RALYL: variants seen among roughly 807,000 people sequenced by gnomAD.
RALYL encodes RALY RNA binding protein like.
In RALYL, 29 loss-of-function variants were observed where a neutral mutation model predicts 35.1. The ratio of observed to expected loss-of-function variants is 0.83; its 90% CI spans 0.61 to 1.13. The LOEUF (loss-of-function observed/expected upper bound fraction) is 1.13. Ranked by LOEUF, RALYL falls within the 50% of genes most tolerant of loss-of-function variation. The pLI, the probability that RALYL is intolerant of heterozygous loss-of-function variation, is 0.00. For synonymous variants in RALYL, 120 were observed against 127.6 expected (o/e 0.94, Z 0.40); for missense variants, 359 against 360.4 (o/e 1.00, Z 0.03).
intron 2 of RALYL, among the ~76,000 whole-genome samples, chr8:84,536,449 T>C (rs1339145715): frequency 2.0e-5 from 3 of 152,236 alleles, no homozygotes; most frequent in Non-Finnish European, 4.4e-5. Flanking sequence ...TTGGTAAGTA[T>C]TATTCTTCTG....
intron 1 of RALYL, among the ~76,000 whole-genome samples, chr8:84,217,301 A>T (rs993273264): frequency 1.6e-4 from 25 of 152,106 alleles, no homozygotes; most frequent in African/African-American, 6.0e-4. Context: ...ATGTTTTATT[A>T]GTCAAAAAGA....
chr8:84,682,190 C>A (rs1192827216), intron 2 of RALYL, among the ~76,000 whole-genome samples: 1 of 152,030 alleles, frequency 6.6e-6, no homozygotes, highest in Non-Finnish European at 1.5e-5. Flanking sequence ...GGGATGAAGC[C>A]CACTTGATCA....
chr8:84,486,069 C>T (rs2054582927), intron 1 of RALYL, among the ~76,000 whole-genome samples: 1 of 144,398 alleles, frequency 6.9e-6, no homozygotes, highest in Non-Finnish European at 1.5e-5. Context: ...CTACAAGGCT[C>T]CACATGGTAT....
chr8:84,753,544 G>C (rs1472530839), intron 2 of RALYL, among the ~76,000 whole-genome samples: 1 of 152,170 alleles, frequency 6.6e-6, no homozygotes, highest in Non-Finnish European at 1.5e-5. Flanking sequence ...CCCAGTGTTA[G>C]AGATGGGGCC....
intron 2 of RALYL, among the ~76,000 whole-genome samples, chr8:84,700,553 T>C (rs2132301953): frequency 6.6e-6 from 1 of 152,288 alleles, no homozygotes; most frequent in Admixed American, 6.5e-5. Context: ...CTGGAAATCG[T>C]TATTTTTCCC....
At chr8:84,397,622 G>A (rs1199858099) in intron 1 of RALYL, among the ~76,000 whole-genome samples, 1 of 152,160 alleles carries the variant, frequency 6.6e-6, no homozygotes, top group African/African-American at 2.4e-5. Context: ...ATTTTTCATA[G>A]CTTCCTTTTA....
chr8:84,377,451 G>GTTTT (rs369746268), intron 1 of RALYL, among the ~76,000 whole-genome samples: 49 of 83,724 alleles, frequency 5.9e-4, no homozygotes, highest in East Asian at 1.1e-3. Context: ...AAGGTTAACT[G>GTTTT]TTTTTTTTTT....
chr8:84,658,299 T>C (rs1246092557), intron 2 of RALYL, among the ~76,000 whole-genome samples: 1 of 152,184 alleles, frequency 6.6e-6, no homozygotes, highest in Admixed American at 6.6e-5. Flanking sequence ...TCAAAAAGTG[T>C]GTTTCTGGCT....
chr8:84,911,089 G>A (rs368690721), intron 8 of RALYL, among the ~76,000 whole-genome samples: 7 of 152,046 alleles, frequency 4.6e-5, no homozygotes, highest in African/African-American at 7.2e-5. Flanking sequence ...AAAGAATGAC[G>A]TGAGCAAGAT....
At chr8:84,552,056 T>A (rs899912880) in intron 2 of RALYL, among the ~76,000 whole-genome samples, 1 of 149,450 alleles carries the variant, frequency 6.7e-6, no homozygotes, top group Non-Finnish European at 1.5e-5. Flanking sequence ...TTTGATAAGT[T>A]CAAAAGTAGA....
chr8:84,483,543 T>C (rs1312713735), intron 1 of RALYL, among the ~76,000 whole-genome samples: 1 of 152,112 alleles, frequency 6.6e-6, no homozygotes, highest in African/African-American at 2.4e-5. Context: ...ATAACACAAA[T>C]AATTGCAAGT....
At chr8:84,733,834 C>T (rs1300109292) in intron 2 of RALYL, among the ~76,000 whole-genome samples, 1 of 152,144 alleles carries the variant, frequency 6.6e-6, no homozygotes, top group East Asian at 1.9e-4. Flanking sequence ...ATACCTGACC[C>T]ATCACTATCA....
rs139307689 is a variant in RALYL at position 84,807,334 on chromosome 8, C to T, written c.365+2532C>T. ...CCAGTCTCATCCAGGTTACTGCAAA[C>T]GCCGTTAATTTGTTTCTTTTTATGG... is the stretch of plus-strand genomic sequence containing the variant. On this transcript the variant is annotated intron_variant, in intron 4 of 8. Transcript: ENST00000521268. Among the ~76,000 whole-genome samples the T allele has an allele frequency of 2.4e-3, 363 of 152,270 alleles. 5 individuals are homozygous for T. Among genetic ancestry groups the T allele is most frequent in the Admixed American group, 0.018 (277 of 15,294 alleles).
At chr8:84,359,296 A>G (rs1388650725) in intron 1 of RALYL, among the ~76,000 whole-genome samples, 2 of 151,588 alleles carry the variant, frequency 1.3e-5, no homozygotes, top group Non-Finnish European at 1.5e-5. Flanking sequence ...ATTATCTTTT[A>G]GGTTTCTACT....
At chr8:84,620,611 A>G (rs914204313) in intron 2 of RALYL, among the ~76,000 whole-genome samples, 54 of 152,324 alleles carry the variant, frequency 3.5e-4, no homozygotes, top group African/African-American at 1.2e-3. Flanking sequence ...GTCATTCTCC[A>G]TCCAGTTTTG....
intron 1 of RALYL, among the ~76,000 whole-genome samples, chr8:84,399,222 T>C (rs2042648308): frequency 6.6e-6 from 1 of 152,232 alleles, no homozygotes. Context: ...AATTGCTATA[T>C]GATAGAACAT....
chr8:84,329,067 T>TA (rs1335240276), intron 1 of RALYL, among the ~76,000 whole-genome samples: 1 of 152,164 alleles, frequency 6.6e-6, no homozygotes, highest in Non-Finnish European at 1.5e-5. Flanking sequence ...GTGATGAAGA[T>TA]ACGAGTGCAT....
chr8:84,526,403 T>C (rs1268988096), intron 1 of RALYL, among the ~76,000 whole-genome samples: 1 of 152,202 alleles, frequency 6.6e-6, no homozygotes, highest in Admixed American at 6.5e-5. Flanking sequence ...TAATCTCCAT[T>C]ACTAAGGCTC....
chr8:84,209,793 G>C (rs12375330), intron 1 of RALYL, among the ~76,000 whole-genome samples: 1 of 151,988 alleles, frequency 6.6e-6, no homozygotes, highest in Non-Finnish European at 1.5e-5. Flanking sequence ...TTCAAGTATA[G>C]TGTTCTAACA....
Sources: gnomAD v4.1 joint callset for allele counts (sites outside exome capture counted in the v4.1 genomes callset) on GRCh38, gnomAD v4.1.1 for gene constraint, MANE v1.5 for transcripts, NCBI Gene and HGNC (gene_info 2026-07-23, HGNC 2026-07-21) for gene names.